AMOTL1: variants seen among roughly 807,000 people sequenced by gnomAD.
AMOTL1 encodes the protein angiomotin like 1.
A neutral mutation model predicts 102.9 loss-of-function variants in AMOTL1; 45 were observed. The ratio of observed to expected loss-of-function variants is 0.44; its 90% CI spans 0.34 to 0.56. The LOEUF is 0.56. AMOTL1 is among the 20% of genes least tolerant of loss of function. The pLI, the probability that AMOTL1 is intolerant of heterozygous loss-of-function variation, is 0.01. For synonymous variants in AMOTL1, 481 were observed against 484.7 expected (o/e 0.99, Z 0.10); for missense variants, 1,114 against 1,225.6 (o/e 0.91, Z 1.36).
intron 11 of AMOTL1, among the ~76,000 whole-genome samples, chr11:94,867,382 G>A (rs1227697640): frequency 1.3e-5 from 2 of 152,182 alleles, no homozygotes; most frequent in East Asian, 1.9e-4. Context: ...TGGTCAAGGA[G>A]TTTGAAAATT....
Position 94,769,672 on chromosome 11 carries a change from G to C in AMOTL1, c.49+1112G>C, listed in dbSNP as rs533558908. ...TACCTTTTGGCCGGGCTAGCGTGTGGATCACCTGGACTGGGGTTTCAGAGG... is the reference window on the plus strand; with the variant it reads ...TACCTTTTGGCCGGGCTAGCGTGTGCATCACCTGGACTGGGGTTTCAGAGG... On this transcript the variant is annotated intron_variant, in intron 1 of 12. Transcript: ENST00000433060. Among the ~76,000 whole-genome samples the C allele has an allele frequency of 2.0e-5, 3 of 152,262 alleles. No homozygotes were observed. In the East Asian group the frequency reaches 5.8e-4, roughly 29 times the overall value.
intron 3 of AMOTL1, among the ~76,000 whole-genome samples, chr11:94,750,569 G>A (rs761502400): frequency 6.6e-6 from 1 of 152,160 alleles, no homozygotes; most frequent in Non-Finnish European, 1.5e-5. Flanking sequence ...GCGTAGCCTT[G>A]AGCTGGCCTC....
At chr11:94,710,863 G>A (rs1443173126) in intron 1 of AMOTL1, among the ~76,000 whole-genome samples, 2 of 152,098 alleles carry the variant, frequency 1.3e-5, no homozygotes, top group Non-Finnish European at 2.9e-5. Context: ...CTCATTTCTT[G>A]TGAGTCCTGT....
chr11:94,810,508 A>AG (rs1475204225), intron 3 of AMOTL1, among the ~76,000 whole-genome samples: 7 of 151,470 alleles, frequency 4.6e-5, no homozygotes, highest in Admixed American at 1.3e-4. Flanking sequence ...AAAAAAAAAA[A>AG]AAAAGAAAAG....
At chr11:94,793,250 G>A (rs888650596) in intron 1 of AMOTL1, among the ~76,000 whole-genome samples, 4 of 152,114 alleles carry the variant, frequency 2.6e-5, no homozygotes, top group Non-Finnish European at 4.4e-5. Context: ...TTCTTTGATC[G>A]AAGCATATGG....
chr11:94,758,695 G>A (rs59285269), intron 3 of AMOTL1, among the ~76,000 whole-genome samples: 2,171 of 152,246 alleles, frequency 0.014, 50 homozygotes, highest in African/African-American at 0.05. Context: ...CAGGATTTCC[G>A]TATACTCTGC....
chr11:94,750,005 A>G (rs1950632588), intron 3 of AMOTL1, among the ~76,000 whole-genome samples: 2 of 152,188 alleles, frequency 1.3e-5, no homozygotes, highest in East Asian at 1.9e-4. Flanking sequence ...GGAGACAGGA[A>G]CCAGGCTAGA....
chr11:94,714,185 T>C lies in AMOTL1; in HGVS notation c.-51+7588T>C, dbSNP rs140725089. Among the ~76,000 whole-genome samples the C allele has an allele frequency of 3.0e-3, 455 of 152,174 alleles. 3 individuals carry two copies. Among genetic ancestry groups the C allele is most frequent in the African/African-American group, 0.01 (433 of 41,548 alleles). On this transcript the variant is annotated intron_variant, in intron 1 of 4. Transcript: ENST00000299004. ...TAGTCTGTCGATATGGTGAATTACA[T>C]TGAATGATTTTCAAATATTGAACCA... is the stretch of plus-strand genomic sequence containing the variant.
chr11:94,776,721 T>C (rs1033258416), intron 1 of AMOTL1, among the ~76,000 whole-genome samples: 3 of 152,188 alleles, frequency 2.0e-5, no homozygotes, highest in Admixed American at 6.5e-5. Context: ...TGACAGCAGG[T>C]GTGAAGCAGG....
intron 3 of AMOTL1, among the ~76,000 whole-genome samples, chr11:94,742,047 G>A (rs1950534681): frequency 6.6e-6 from 1 of 152,166 alleles, no homozygotes; most frequent in Admixed American, 6.5e-5. Context: ...ATTTCTAGGA[G>A]CCAAGCGCCC....
chr11:94,869,731 C>T (rs887086482), intron 12 of AMOTL1, among the ~76,000 whole-genome samples: 1 of 152,188 alleles, frequency 6.6e-6, no homozygotes, highest in Admixed American at 6.5e-5. Flanking sequence ...TTTTAACTAA[C>T]CTTTCCCCGG....
chr11:94,854,720 C>T (rs150671567), intron 8 of AMOTL1, among the ~76,000 whole-genome samples: 11 of 152,052 alleles, frequency 7.2e-5, no homozygotes, highest in Admixed American at 2.0e-4. Flanking sequence ...TGAAGGTTGT[C>T]GGTGCAGCCT....
At position 94,739,123 on chromosome 11, in the gene AMOTL1, T is replaced by C. The variant is rs913447771; in HGVS notation, c.86-1815T>C. On this transcript the variant is annotated intron_variant, in intron 2 of 4. Transcript: ENST00000299004. ...GGCTGAAATAAGTAGAGGAGGCAAG[T>C]AATGCAGCCTGTTATTTTCAAGGAA... is the stretch of plus-strand genomic sequence containing the variant. 4.6e-5 allele frequency among the ~76,000 whole-genome samples: 7 copies of C among 152,076 alleles called. No homozygotes were observed. The South Asian group carries it at 1.5e-3, about 32-fold the overall frequency.
At chr11:94,843,946 G>T (rs574824538) in intron 6 of AMOTL1, among the ~76,000 whole-genome samples, 7 of 152,066 alleles carry the variant, frequency 4.6e-5, no homozygotes, top group African/African-American at 1.7e-4. Context: ...GCTCTGGCAC[G>T]GTACATAGAG....
chr11:94,709,693 G>A (rs888414636), intron 1 of AMOTL1, among the ~76,000 whole-genome samples: 11 of 152,104 alleles, frequency 7.2e-5, no homozygotes, highest in African/African-American at 2.4e-4. Context: ...CTATCTGACT[G>A]CAACTATATG....
intron 3 of AMOTL1, among the ~76,000 whole-genome samples, chr11:94,806,681 A>T (rs902163763): frequency 6.6e-6 from 1 of 152,198 alleles, no homozygotes; most frequent in Admixed American, 6.5e-5. Flanking sequence ...CAGCATGGGT[A>T]TTTCAAGAAG....
chr11:94,761,343 C>T (rs1463168559), intron 3 of AMOTL1, among the ~76,000 whole-genome samples: 2 of 151,892 alleles, frequency 1.3e-5, no homozygotes, highest in South Asian at 2.1e-4. Context: ...CACCTGCCAC[C>T]ATGCCTGGCT....
intron 7 of AMOTL1, among the ~76,000 whole-genome samples, chr11:94,851,385 T>C (rs551839920): frequency 3.9e-5 from 6 of 152,386 alleles, no homozygotes; most frequent in African/African-American, 1.4e-4. Context: ...AGACAAGTTA[T>C]AACAACCAAT....
rs1355956414 is a variant in AMOTL1 at position 94,854,197 on chromosome 11, A to G, written c.1944+115A>G. ...TTGCTCCCAGGATTCAGAGGGAAAC[A>G]AGAACTCCCTGTCCTCAGTGAACCC... On this transcript the variant is annotated intron_variant, in intron 8 of 12. Transcript: ENST00000433060. 16 of 1,324,078 alleles carry G rather than the reference A, an allele frequency of 1.2e-5. No homozygotes were observed. The East Asian group carries it at 3.9e-4, about 32-fold the overall frequency. 82.0% of individuals were successfully genotyped at this position (1,324,078 alleles called of 1,614,324 possible).
Sources: allele counts gnomAD v4.1 joint callset (sites outside exome capture counted in the v4.1 genomes callset), GRCh38; gene constraint gnomAD v4.1.1; transcripts MANE v1.5; gene names NCBI Gene and HGNC (gene_info 2026-07-23, HGNC 2026-07-21).